Variants in ESCO2 observed in about 807,000 individuals in gnomAD.
ESCO2 encodes the protein establishment of sister chromatid cohesion N-acetyltransferase 2.
Under a neutral mutation model 61.7 loss-of-function variants are expected in ESCO2, and 51 were observed. The ratio of observed to expected loss-of-function variants is 0.83; its 90% CI spans 0.66 to 1.04. The LOEUF (loss-of-function observed/expected upper bound fraction) is 1.04. Among genes scored for constraint, ESCO2 ranks in the 50% least tolerant of loss-of-function variants. ESCO2 has a pLI of 0.00. For synonymous variants in ESCO2, 230 were observed against 238.2 expected (o/e 0.97, Z 0.32); for missense variants, 692 against 686.2 (o/e 1.01, Z -0.09).
At chr8:27,776,055 T>C (rs965582762) in intron 2 of ESCO2, among the ~76,000 whole-genome samples, 6 of 152,212 alleles carry the variant, frequency 3.9e-5, no homozygotes, top group Admixed American at 1.3e-4. Flanking sequence ...GAGCAAAATA[T>C]ATGAGCTATA....
rs80359862 is a variant in ESCO2 at position 27,788,840 on chromosome 8, A to T, written c.1132-7A>T. The T allele has an allele frequency of 3.1e-6, 5 of 1,613,998 alleles. No homozygotes were observed. In the Admixed American group the frequency reaches 8.3e-5, roughly 27 times the overall value. ...AATGGGTTTCTTTTTTTACCCCCCA[A>T]TTATAGGACGCTGGTCAGAAACATT... is the stretch of plus-strand genomic sequence containing the variant. On this transcript the variant is annotated splice_region_variant and splice_polypyrimidine_tract_variant and intron_variant, in intron 6 of 10. Coordinates refer to ENST00000305188, the MANE Select transcript of ESCO2 (RefSeq NM_001017420.3).
chr8:27,788,969 C>G lies in ESCO2; in HGVS notation c.1254C>G (p.Ile418Met), dbSNP rs1330059228. 3 of 1,613,964 alleles carry G rather than the reference C, an allele frequency of 1.9e-6. No individual in the cohort carries two copies. Among genetic ancestry groups the G allele is most frequent in the African/African-American group, 1.3e-5 (1 of 74,998 alleles). The change falls in exon 7 of 11, where the codon ATC becomes ATG. Residue 418 changes from isoleucine to methionine, a missense_variant. By Grantham distance (10) the Ile-to-Met change is conservative. Coordinates refer to ENST00000305188, the MANE Select transcript of ESCO2 (RefSeq NM_001017420.3). Reference protein sequence around the residue: ...VQHHHRFLEGIKYVGWKKERV... With the variant: ...VQHHHRFLEGMKYVGWKKERV... ...ATCACCACAGGTTTCTGGAAGGAAT[C>G]AAATATGTGGTGAGCCAAAACATAG...
chr8:27,798,414 G>A (rs4732755), intron 9 of ESCO2, among the ~76,000 whole-genome samples: 23,424 of 151,796 alleles, frequency 0.15, 2,281 homozygotes, highest in East Asian at 0.37. Flanking sequence ...GAGCGAGATC[G>A]TGCCACTGCA....
chr8:27,796,849 A>C (rs2128957012), intron 9 of ESCO2, among the ~76,000 whole-genome samples: 1 of 152,332 alleles, frequency 6.6e-6, no homozygotes, highest in African/African-American at 2.4e-5. Context: ...GGCTGAACTC[A>C]GTGGCTCACA....
chr8:27,811,851 T>C (rs1412603966), downstream of ESCO2: 1 of 152,262 alleles, frequency 6.6e-6, no homozygotes, highest in Non-Finnish European at 1.5e-5. Context: ...ACAGAGGTTT[T>C]AGACTTTTTT....
chr8:27,781,390 G>A (rs967971742), intron 4 of ESCO2, among the ~76,000 whole-genome samples: 2 of 152,058 alleles, frequency 1.3e-5, no homozygotes, highest in African/African-American at 2.4e-5. Context: ...ATCAATTGCT[G>A]TTTTAACTTT....
chr8:27,773,844 A>G (rs1213623904), upstream of ESCO2: 1 of 152,256 alleles, frequency 6.6e-6, no homozygotes. Context: ...AACAATAGCT[A>G]ACAATAACCG....
chr8:27,806,507 C>CA (rs1805566536), downstream of ESCO2, among the ~76,000 whole-genome samples: 1 of 151,872 alleles, frequency 6.6e-6, no homozygotes, highest in Admixed American at 6.6e-5. Flanking sequence ...ATTTATTCCA[C>CA]AAAAAGCTAC....
At position 27,788,863 on chromosome 8, in the gene ESCO2, A is replaced by G; in HGVS notation, c.1148A>G (p.His383Arg). 6.2e-7 allele frequency: 1 copy of G among 1,614,086 alleles called. No homozygotes were observed. The highest frequency in any genetic ancestry group is 1.1e-5 in the South Asian group (1 of 91,076). Reference sequence around the variant, plus strand: ...CAATTATAGGACGCTGGTCAGAAACATTTTGGGGCTACTGTGTGCAAGTCT... The same window carrying G: ...CAATTATAGGACGCTGGTCAGAAACGTTTTGGGGCTACTGTGTGCAAGTCT... ...DQLIIDAGQK[H>R]FGATVCKSCG... Residue 383 changes from histidine (H) to arginine (R), a missense_variant, in exon 7 of 11, where the codon CAT becomes CGT. Physicochemically the swap from His to Arg is conservative, Grantham distance 29 (BLOSUM62 0). Transcript: ENST00000305188.
At position 27,803,490 on chromosome 8, in the gene ESCO2, C is replaced by G; in HGVS notation, c.*52C>G. ...CTATCTGGATAAGTTCAAAGAGCTC[C>G]TTATTATAAAATACAAACTATTTAA... On this transcript the variant is annotated 3_prime_UTR_variant, in exon 11 of 11. Transcript: ENST00000305188. 1 of 1,599,134 alleles carries G rather than the reference C, an allele frequency of 6.3e-7. No individual in the cohort carries two copies. Among genetic ancestry groups the G allele is most frequent in the South Asian group, 1.1e-5 (1 of 90,014 alleles).
intron 5 of ESCO2, among the ~76,000 whole-genome samples, chr8:27,785,200 C>T (rs937688645): frequency 1.3e-5 from 2 of 152,230 alleles, no homozygotes; most frequent in Non-Finnish European, 2.9e-5. Flanking sequence ...GAGAGCTTGG[C>T]TTGCAGCCTC....
intron 9 of ESCO2, among the ~76,000 whole-genome samples, chr8:27,798,484 G>A (rs1408381925): frequency 2.6e-5 from 4 of 151,362 alleles, no homozygotes; most frequent in African/African-American, 9.7e-5. Context: ...AACTAAACAT[G>A]TATTTACTAT....
At position 27,788,905 on chromosome 8, in the gene ESCO2, C is replaced by G; in HGVS notation, c.1190C>G (p.Thr397Ser). Reference protein sequence around the residue: ...TVCKSCGMIYTASNPEDEMQH... With the variant: ...TVCKSCGMIYSASNPEDEMQH... ...TGCAAGTCTTGTGGTATGATATATA[C>G]TGCTTCCAACCCTGAAGATGAAATG... Residue 397 changes from threonine (T) to serine (S), a missense_variant, in exon 7 of 11, where the codon ACT becomes AGT. By Grantham distance (58) the Thr-to-Ser change is moderately conservative. Coordinates refer to ENST00000305188, the MANE Select transcript of ESCO2 (RefSeq NM_001017420.3). 1 of 1,614,122 alleles carries G rather than the reference C, an allele frequency of 6.2e-7. No individual in the cohort carries two copies.
At chr8:27,777,460 G>A (rs914902206) in intron 3 of ESCO2, 13 of 219,866 alleles carry the variant, frequency 5.9e-5, no homozygotes, top group African/African-American at 2.1e-4. Context: ...CACCTCACCC[G>A]GCTAATTCTT....
At chr8:27,811,034 G>A, downstream of ESCO2, 4 of 1,613,018 alleles carry the variant, frequency 2.5e-6, no homozygotes, top group Non-Finnish European at 2.5e-6. Flanking sequence ...TAAGGCCAAA[G>A]GCAAATATGT....
At chr8:27,802,653 AT>A (rs1563482441) in intron 10 of ESCO2, among the ~76,000 whole-genome samples, 10 of 71,206 alleles carry the variant, frequency 1.4e-4, no homozygotes, top group African/African-American at 5.7e-4. Context: ...ATATATATAT[AT>A]ATTATATATA....
At chr8:27,810,517 G>A, downstream of ESCO2, 1 of 1,496,826 alleles carries the variant, frequency 6.7e-7, no homozygotes, top group African/African-American at 1.4e-5. Context: ...AGGAGTTAGA[G>A]ATTGAAACAA....
downstream of ESCO2, among the ~76,000 whole-genome samples, chr8:27,816,343 C>CTTATATATATATATATATATATATA (rs1554559818): frequency 1.2e-4 from 16 of 136,304 alleles, no homozygotes; most frequent in African/African-American, 4.7e-4. Context: ...TCATCGAATA[C>CTTATATATATATATATATATATATA]TATATATATA....
Position 27,776,425 on chromosome 8 carries a change from CAG to C in ESCO2, c.118_119del (p.Ser40Ter). On this transcript the variant is annotated frameshift_variant, in exon 3 of 11. Transcript: ENST00000305188. LOFTEE classifies it high-confidence loss of function. ...PNKKHCFYQN[S>X]DKNEENLHCS... is the part of the protein sequence containing the mutation. ...ATAAAAAGCACTGTTTTTATCAAAA[CAG>C]TGATAAAAATGAAGAAAACCTGCAT... 6 of 1,607,454 alleles carry C rather than the reference CAG, an allele frequency of 3.7e-6. No homozygotes were observed. The highest frequency in any genetic ancestry group is 1.1e-5 in the South Asian group (1 of 89,166).
Sources: allele counts gnomAD v4.1 joint callset (sites outside exome capture counted in the v4.1 genomes callset), GRCh38; gene constraint gnomAD v4.1.1; transcripts MANE v1.5; gene names NCBI Gene and HGNC (gene_info 2026-07-23, HGNC 2026-07-21).